The following FRMPD4 variants were observed in gnomAD, a reference collection of about 807,000 sequenced individuals.
The protein encoded by FRMPD4 is FERM and PDZ domain containing 4.
In FRMPD4, 22 loss-of-function variants were observed where a neutral mutation model predicts 94.1. The observed-to-expected ratio is 0.23, with a 90% CI of 0.17 to 0.33. The LOEUF (loss-of-function observed/expected upper bound fraction) is 0.33. Among genes scored for constraint, FRMPD4 ranks in the 10% least tolerant of loss-of-function variants. The probability of loss-of-function intolerance (pLI) is 1.00; values close to 1 mark genes in which losing one functional copy is unlikely to be tolerated. For synonymous variants in FRMPD4, 631 were observed against 548.6 expected, an observed-to-expected ratio of 1.15 and a Z score of -2.10; for missense variants, 1,111 against 1,339.9, an observed-to-expected ratio of 0.83 and a Z score of 2.67.
intron 1 of FRMPD4, among the ~76,000 whole-genome samples, chrX:12,424,705 G>A (rs1345039480): frequency 2.7e-5 from 3 of 112,672 alleles, no homozygotes; most frequent in Non-Finnish European, 3.7e-5. Context: ...CACTGACCGT[G>A]TATCTCCCAA....
intron 3 of FRMPD4, among the ~76,000 whole-genome samples, chrX:12,095,995 G>A (rs2055197739): frequency 8.9e-6 from 1 of 111,850 alleles, no homozygotes; most frequent in Admixed American, 9.5e-5. Flanking sequence ...TTCATACCAT[G>A]ACTGAAGACC....
chrX:12,174,911 CAG>C (rs1227219999), intron 1 of FRMPD4, among the ~76,000 whole-genome samples: 1 of 112,113 alleles, frequency 8.9e-6, no homozygotes, highest in African/African-American at 3.2e-5. Context: ...TACTTTTGGG[CAG>C]AGTCACTGAT....
chrX:12,392,095 G>C (rs2056482863), intron 1 of FRMPD4, among the ~76,000 whole-genome samples: 1 of 109,297 alleles, frequency 9.1e-6, no homozygotes, highest in African/African-American at 3.3e-5. Flanking sequence ...GTGCAGTGGT[G>C]CAATCTTGGC....
At position 12,214,068 on chromosome X, in the gene FRMPD4, A is replaced by G. The variant is rs72612875; in HGVS notation, c.41+75056A>G. Among the ~76,000 whole-genome samples the G allele has an allele frequency of 2.3e-4, 26 of 112,199 alleles. No homozygotes were observed. In the East Asian group the frequency reaches 7.0e-3, roughly 30 times the overall value. ...TATTAGAACACATTTAAATTTTCCA[A>G]TGATGTCATGTTATATGAACTTAAT... On this transcript the variant is annotated intron_variant, in intron 1 of 16. Transcript: ENST00000675598.
chrX:11,999,748 C>T (rs1043380588), intron 3 of FRMPD4, among the ~76,000 whole-genome samples: 1 of 111,692 alleles, frequency 9.0e-6, no homozygotes, highest in Non-Finnish European at 1.9e-5. Flanking sequence ...GAAAGCAAAT[C>T]GGAATGGGAG....
At chrX:11,951,783 C>A (rs1469451379) in intron 3 of FRMPD4, among the ~76,000 whole-genome samples, 1 of 112,176 alleles carries the variant, frequency 8.9e-6, no homozygotes, top group Non-Finnish European at 1.9e-5. Flanking sequence ...CCTGTAATTC[C>A]AGCACTTTGG....
intron 1 of FRMPD4, among the ~76,000 whole-genome samples, chrX:12,158,209 G>T (rs1320014698): frequency 9.0e-6 from 1 of 111,469 alleles, no homozygotes; most frequent in East Asian, 2.8e-4. Flanking sequence ...TTGAATTGGA[G>T]GTTATCAGAC....
intron 1 of FRMPD4, among the ~76,000 whole-genome samples, chrX:12,206,991 A>G (rs1449847787): frequency 2.7e-5 from 3 of 112,083 alleles, no homozygotes; most frequent in Non-Finnish European, 5.6e-5. Flanking sequence ...TCCATATGAA[A>G]TAGACTCTTA....
At chrX:12,701,752 T>C in intron 9 of FRMPD4, 122 bp from the exon 10 acceptor site, 1 of 708,518 alleles carries the variant, frequency 1.4e-6, no homozygotes, top group Admixed American at 2.9e-5. Flanking sequence ...TTTCCACATT[T>C]AGCCTCCTTG....
chrX:12,660,191 C>T (rs926621031), intron 4 of FRMPD4, among the ~76,000 whole-genome samples: 1 of 112,126 alleles, frequency 8.9e-6, no homozygotes, highest in East Asian at 2.8e-4. Context: ...AAATTCAAGT[C>T]GTTGGTTATA....
Position 12,718,633 on chromosome X carries a change from C to G in FRMPD4, c.3807C>G (p.Pro1269=), listed in dbSNP as rs1483347404. 8 of 1,208,562 alleles carry G rather than the reference C, an allele frequency of 6.6e-6. No individual in the cohort carries two copies. Among genetic ancestry groups the G allele is most frequent in the Non-Finnish European group, 9.0e-6 (8 of 893,833 alleles). Residue 1269 remains proline, a synonymous_variant, in exon 16 of 17, where the codon CCC becomes CCG. Transcript: ENST00000675598. ...CAGAGGAGAGAGCCCCTGGGCTTCC[C>G]AACCACGGAGCCACCTTTAAGGAAC... ...IPSEERAPGL[P]NHGATFKELH...
intron 2 of FRMPD4, among the ~76,000 whole-genome samples, chrX:12,525,084 A>C (rs1022192885): frequency 3.6e-5 from 4 of 111,231 alleles, no homozygotes; most frequent in African/African-American, 9.8e-5. Context: ...CCTGCGCTAC[A>C]GTCTGACGGA....
chrX:11,879,521 A>G (rs1465028867), intron 3 of FRMPD4, among the ~76,000 whole-genome samples: 1 of 111,116 alleles, frequency 9.0e-6, no homozygotes, highest in Non-Finnish European at 1.9e-5. Flanking sequence ...TATAGCATCT[A>G]TCTAGTAAAA....
chrX:12,530,545 G>T (rs1354126871), intron 2 of FRMPD4, among the ~76,000 whole-genome samples: 1 of 110,927 alleles, frequency 9.0e-6, no homozygotes, highest in Non-Finnish European at 1.9e-5. Flanking sequence ...ATTTCAAGGA[G>T]AATTGACAAC....
At chrX:12,664,141 T>C (rs1215067741) in intron 4 of FRMPD4, among the ~76,000 whole-genome samples, 1 of 112,333 alleles carries the variant, frequency 8.9e-6, no homozygotes, top group African/African-American at 3.2e-5. Context: ...ATTTATGTCA[T>C]CTGCAATCAG....
chrX:12,079,165 T>C (rs373796512), intron 3 of FRMPD4, among the ~76,000 whole-genome samples: 2 of 110,919 alleles, frequency 1.8e-5, no homozygotes, highest in African/African-American at 6.6e-5. Context: ...TCAGGTCACC[T>C]CATCTGTAAA....
chrX:12,507,088 G>T (rs928500201), intron 2 of FRMPD4, among the ~76,000 whole-genome samples: 5 of 111,960 alleles, frequency 4.5e-5, no homozygotes, highest in African/African-American at 1.6e-4. Context: ...CTCACCTCTT[G>T]ACTCTTTTTA....
At chrX:12,319,501 G>C (rs906175296) in intron 1 of FRMPD4, among the ~76,000 whole-genome samples, 3 of 111,570 alleles carry the variant, frequency 2.7e-5, no homozygotes, top group African/African-American at 9.8e-5. Context: ...GCCTTATGTT[G>C]CTACACACTC....
At chrX:12,197,234 A>T (rs5935261) in intron 1 of FRMPD4, among the ~76,000 whole-genome samples, 30,271 of 110,062 alleles carry the variant, frequency 0.28, 3,227 homozygotes, top group Non-Finnish European at 0.35. Flanking sequence ...TCCAGGAGTG[A>T]CCCCAGTGTG....
Sources: allele counts gnomAD v4.1 joint callset (sites outside exome capture counted in the v4.1 genomes callset), GRCh38; gene constraint gnomAD v4.1.1; transcripts MANE v1.5; gene names NCBI Gene and HGNC (gene_info 2026-07-23, HGNC 2026-07-21).